EPHA10: variants seen among roughly 807,000 people sequenced by gnomAD.
The protein encoded by EPHA10 is EPH receptor A10, also known as ephrin type-A receptor 10.
In EPHA10, 120 loss-of-function variants were observed where a neutral mutation model predicts 109.7. The ratio of observed to expected loss-of-function variants is 1.09; its 90% CI spans 0.94 to 1.27. EPHA10 has a LOEUF of 1.27. Ranked by LOEUF, EPHA10 falls within the 50% of genes most tolerant of loss-of-function variation. The pLI, the probability that EPHA10 is intolerant of heterozygous loss-of-function variation, is 0.00. For missense variants in EPHA10, 1,396 were observed against 1,411.1 expected, an observed-to-expected ratio of 0.99 and a Z score of 0.17; for synonymous variants, 640 against 618.9, an observed-to-expected ratio of 1.03 and a Z score of -0.51.
At chr1:37,715,303 T>A (rs1441345261), downstream of EPHA10, among the ~76,000 whole-genome samples, 1 of 152,142 alleles carries the variant, frequency 6.6e-6, no homozygotes, top group East Asian at 1.9e-4. Context: ...GTGCTGGGAT[T>A]ACAGGCATGA....
intron 7 of EPHA10, among the ~76,000 whole-genome samples, chr1:37,729,497 G>A (rs1645946153): frequency 6.6e-6 from 1 of 152,150 alleles, no homozygotes; most frequent in Admixed American, 6.5e-5. Flanking sequence ...CAAGACAGGA[G>A]AATTGCTTTG....
chr1:37,732,844 T>C (rs1339899512), intron 6 of EPHA10, among the ~76,000 whole-genome samples: 3 of 136,562 alleles, frequency 2.2e-5, no homozygotes, highest in Non-Finnish European at 4.7e-5. Flanking sequence ...CTTTCAAATA[T>C]AGCCCTTTTA....
chr1:37,741,335 G>A (rs536464017), intron 5 of EPHA10, among the ~76,000 whole-genome samples: 3 of 152,340 alleles, frequency 2.0e-5, no homozygotes, highest in African/African-American at 7.2e-5. Flanking sequence ...TAAAGTGGAC[G>A]TTCCCGGTGC....
chr1:37,759,276 A>G (rs1348443484), intron 3 of EPHA10, among the ~76,000 whole-genome samples: 1 of 151,936 alleles, frequency 6.6e-6, no homozygotes, highest in East Asian at 1.9e-4. Flanking sequence ...GCTCCTCTCC[A>G]ACCCCATCAC....
intron 8 of EPHA10, among the ~76,000 whole-genome samples, chr1:37,725,278 G>A (rs1004379493): frequency 4.6e-5 from 7 of 152,186 alleles, no homozygotes; most frequent in Admixed American, 1.3e-4. Context: ...GCTGAGGTGG[G>A]TAGATCACCT....
At chr1:37,763,844 A>T (rs1181996360) in intron 1 of EPHA10, among the ~76,000 whole-genome samples, 1 of 152,160 alleles carries the variant, frequency 6.6e-6, no homozygotes, top group Non-Finnish European at 1.5e-5. Context: ...ACTGCTAACA[A>T]CTGGAGAAAT....
Position 37,755,080 on chromosome 1 carries a change from G to A in EPHA10, c.851-710C>T, listed in dbSNP as rs554983959. Reference sequence around the variant, plus strand: ...CTCCCAAAGTGCCAAAATTGCAGGCGTGAGCCACTGTGCCCGACCCTTTAT... The same window carrying A: ...CTCCCAAAGTGCCAAAATTGCAGGCATGAGCCACTGTGCCCGACCCTTTAT... On this transcript the variant is annotated intron_variant, in intron 3 of 16. Transcript: ENST00000373048. Among the ~76,000 whole-genome samples the A allele has an allele frequency of 7.0e-4, 106 of 152,252 alleles. 1 individual carries two copies. The highest frequency in any genetic ancestry group is 1.7e-3 in the African/African-American group (69 of 41,538).
chr1:37,742,924 A>G (rs618947), intron 5 of EPHA10, among the ~76,000 whole-genome samples: 50,200 of 151,940 alleles, frequency 0.33, 8,452 homozygotes, highest in East Asian at 0.48. Flanking sequence ...GACCCCAGGA[A>G]TTTGAGGTTA....
At chr1:37,731,666 A>G in intron 6 of EPHA10, 84 bp from the exon 7 acceptor site, 2 of 1,427,438 alleles carry the variant, frequency 1.4e-6, no homozygotes, top group East Asian at 4.9e-5. Context: ...ACAGGGAGGC[A>G]GGAGAAGCGC....
intron 11 of EPHA10, among the ~76,000 whole-genome samples, chr1:37,721,264 A>C (rs1028006114): frequency 4.0e-5 from 6 of 150,936 alleles, no homozygotes; most frequent in East Asian, 1.9e-4. Flanking sequence ...CTAAAAAAAA[A>C]AAAAAACAAA....
In EPHA10 at chr1:37,764,549, G is replaced by A. The variant is rs895186609; in HGVS notation, c.106+412C>T. 2.6e-5 allele frequency among the ~76,000 whole-genome samples: 4 copies of A among 152,000 alleles called. No individual in the cohort carries two copies. Among genetic ancestry groups the A allele is most frequent in the Admixed American group, 6.6e-5 (1 of 15,256 alleles). On this transcript the variant is annotated intron_variant, in intron 1 of 16. Coordinates refer to ENST00000373048, the MANE Select transcript of EPHA10 (RefSeq NM_001099439.2). This position sits in a 1 kb window ranked among gnomAD's most constrained non-coding sequence, Gnocchi z 5.8. ...CATTCCACCTTCTGTTGGCCACACT[G>A]TGGTCTCCTAGCCCCTGTAGTCCGG...
chr1:37,714,127 T>C (rs1645659805), downstream of EPHA10: 1 of 152,230 alleles, frequency 6.6e-6, no homozygotes, highest in Non-Finnish European at 1.5e-5. Flanking sequence ...TTTAACTGGC[T>C]CTGAGCACAG....
At chr1:37,746,533 T>C (rs1646245273) in intron 5 of EPHA10, among the ~76,000 whole-genome samples, 1 of 152,158 alleles carries the variant, frequency 6.6e-6, no homozygotes, top group Non-Finnish European at 1.5e-5. Context: ...TTTTAACACA[T>C]GAATCTGGAG....
intron 7 of EPHA10, 78 bp downstream of exon 7, chr1:37,731,333 C>G (rs1044861842): frequency 1.4e-6 from 2 of 1,428,322 alleles, no homozygotes; most frequent in South Asian, 1.5e-5. Flanking sequence ...AACTCTCCCC[C>G]TCTATTTGTC....
In EPHA10 at chr1:37,753,037, A is replaced by G. The variant is rs1646353836; in HGVS notation, c.1196T>C (p.Leu399Pro). The change falls in exon 5 of 17, where the codon CTA (leucine) becomes CCA (proline). Residue 399 changes from leucine to proline, a missense_variant. By Grantham distance (98) the Leu-to-Pro change is moderately conservative (BLOSUM62 -3). Coordinates refer to ENST00000373048, the MANE Select transcript of EPHA10 (RefSeq NM_001099439.2). ...CEPCGPRVAF[L>P]PRQAGLRERA... ...CTCCCGCAGCCCTGCCTGGCGCGGT[A>G]GGAAGGCCACGCGCGGCCCGCACGG... 4.1e-6 allele frequency: 5 copies of G among 1,234,480 alleles called. No homozygotes were observed. Among genetic ancestry groups the G allele is most frequent in the Non-Finnish European group, 5.0e-6 (5 of 991,206 alleles). The allele number at this position is 1,234,480 out of a possible 1,614,324, so 76.5% of individuals were successfully genotyped here.
At chr1:37,727,913 A>G (rs1014058425) in intron 7 of EPHA10, among the ~76,000 whole-genome samples, 1 of 152,148 alleles carries the variant, frequency 6.6e-6, no homozygotes, top group Non-Finnish European at 1.5e-5. Context: ...CAACCCATCC[A>G]TCCATCCAAC....
chr1:37,727,531 G>A lies in EPHA10; in HGVS notation c.1664-321C>T, dbSNP rs182871785. Among the ~76,000 whole-genome samples, 68 of 152,322 alleles carry A rather than the reference G, an allele frequency of 4.5e-4. No individual in the cohort carries two copies. In the Middle Eastern group the frequency reaches 0.01, roughly 23 times the overall value. ...GTGAGGGACTCAAAGTTGCTCTGCA[G>A]GAGGAATGGCCTCTGCTCTGAGCTC... On this transcript the variant is annotated intron_variant, in intron 7 of 16. Coordinates refer to ENST00000373048, the MANE Select transcript of EPHA10 (RefSeq NM_001099439.2).
intron 5 of EPHA10, among the ~76,000 whole-genome samples, chr1:37,740,746 T>C (rs1176542693): frequency 6.6e-6 from 1 of 152,146 alleles, no homozygotes; most frequent in Non-Finnish European, 1.5e-5. Flanking sequence ...GGGGTTAGTG[T>C]TCGGCAAAGG....
In EPHA10 at chr1:37,723,455, G is replaced by A. The variant is rs560550029; in HGVS notation, c.1773-83C>T. On this transcript the variant is annotated intron_variant, in intron 8 of 16. Coordinates refer to ENST00000373048, the MANE Select transcript of EPHA10 (RefSeq NM_001099439.2). ...AGAGCACTGAGGGCAGCACCTCTTT[G>A]TCCCTTCAAAAGACAAGGCCTGTGC... is the stretch of plus-strand genomic sequence containing the variant. 897 of 1,487,810 alleles carry A rather than the reference G, an allele frequency of 6.0e-4. 10 individuals are homozygous for A. The South Asian group carries it at 0.01, about 17-fold the overall frequency. 92.2% of individuals were successfully genotyped at this position (1,487,810 alleles called of 1,614,324 possible). A position where few individuals can be genotyped will look rare whatever the true frequency, so the allele number is the denominator to read the frequency against.
Sources: allele counts gnomAD v4.1 joint callset (sites outside exome capture counted in the v4.1 genomes callset), GRCh38; gene constraint gnomAD v4.1.1; non-coding constraint Gnocchi (gnomAD v3.1); transcripts MANE v1.5; gene names NCBI Gene and HGNC (gene_info 2026-07-23, HGNC 2026-07-21).